The following CLEC2B variants were observed in gnomAD, a reference collection of about 807,000 sequenced individuals.
CLEC2B encodes C-type (calcium dependent, carbohydrate-recognition domain) lectin, superfamily member 2 (activation-induced).
CLEC2B carries 14 observed loss-of-function variants against 16.2 expected under a neutral mutation model. That is an observed-to-expected ratio of 0.86 (90% CI 0.57 to 1.35). The LOEUF (loss-of-function observed/expected upper bound fraction) is 1.35, where lower values mean the gene tolerates loss of function less well. Ranked by LOEUF, CLEC2B falls within the 40% of genes most tolerant of loss-of-function variation. The probability of loss-of-function intolerance (pLI) is 0.00; values close to 1 mark genes in which losing one functional copy is unlikely to be tolerated. For synonymous variants in CLEC2B, 42 were observed against 55.8 expected (o/e 0.75, Z 1.10); for missense variants, 166 against 182.3 (o/e 0.91, Z 0.52).
intron 4 of CLEC2B, among the ~76,000 whole-genome samples, chr12:9,853,960 C>T (rs1224128011): frequency 1.3e-5 from 2 of 151,958 alleles, no homozygotes; most frequent in African/African-American, 4.8e-5. Context: ...GATATGAAGT[C>T]CAGGACAAAC....
At chr12:9,857,782 T>A (rs957924892) in intron 2 of CLEC2B, 145 bp from the exon 3 acceptor site, 23 of 653,498 alleles carry the variant, frequency 3.5e-5, no homozygotes, top group Non-Finnish European at 5.7e-5. Context: ...GTTGAAAAAA[T>A]TTTATGTCTT....
At chr12:9,866,988 G>A (rs987243613) in intron 1 of CLEC2B, 3 of 152,186 alleles carry the variant, frequency 2.0e-5, no homozygotes, top group African/African-American at 7.2e-5. Flanking sequence ...TGTATACAGA[G>A]TTGGTAGATT....
In CLEC2B at chr12:9,853,260, A is replaced by G. The variant is rs1203354676; in HGVS notation, c.*40T>C. 2 of 1,444,472 alleles carry G rather than the reference A, an allele frequency of 1.4e-6. No individual in the cohort carries two copies. The highest frequency in any genetic ancestry group is 2.8e-5 in the African/African-American group (2 of 71,540). The allele number at this position is 1,444,472 out of a possible 1,614,324, so 89.5% of individuals were successfully genotyped here. On this transcript the variant is annotated 3_prime_UTR_variant, in exon 5 of 5. Coordinates refer to ENST00000228438, the MANE Select transcript of CLEC2B (RefSeq NM_005127.3). ...GTACTTTGCTGGTTTTACACTTAAT[A>G]ATGTTATTTTCTATTTTCCCCATTA...
intron 2 of CLEC2B, among the ~76,000 whole-genome samples, chr12:9,857,920 A>G (rs1047645448): frequency 6.6e-6 from 1 of 152,152 alleles, no homozygotes. Context: ...TACCGTTACC[A>G]TTTCTAGGTA....
intron 1 of CLEC2B, among the ~76,000 whole-genome samples, chr12:9,864,624 TA>T (rs1209496737): frequency 6.6e-6 from 1 of 152,200 alleles, no homozygotes; most frequent in Non-Finnish European, 1.5e-5. Context: ...GTTATCTCTT[TA>T]AAATAACTTG....
intron 4 of CLEC2B, 145 bp from the exon 5 acceptor site, chr12:9,853,553 C>A (rs1867868714): frequency 1.6e-6 from 1 of 636,078 alleles, no homozygotes; most frequent in Non-Finnish European, 2.8e-6. Context: ...ATACCTATAC[C>A]AATTTGGATC....
rs550607566 is a variant in CLEC2B, at chr12:9,854,230, C to A, written c.341+151G>T. ...AATTTCCAACCTTCATGGTTGCCTC[C>A]TTACATGAATCTCAATATATATTCA... On this transcript the variant is annotated intron_variant, in intron 4 of 4. Transcript: ENST00000228438. 1.3e-4 allele frequency: 67 copies of A among 526,126 alleles called. No individual in the cohort carries two copies. In the South Asian group the frequency reaches 1.9e-3, roughly 15 times the overall value. The allele number at this position is 526,126 out of a possible 1,614,324, so 32.6% of individuals were successfully genotyped here.
intron 2 of CLEC2B, among the ~76,000 whole-genome samples, chr12:9,861,589 A>G (rs1202190469): frequency 1.3e-5 from 2 of 152,060 alleles, no homozygotes; most frequent in Non-Finnish European, 2.9e-5. Context: ...AAAAATATAA[A>G]ATTATACAGT....
At chr12:9,859,800 A>G (rs551735311) in intron 2 of CLEC2B, among the ~76,000 whole-genome samples, 86 of 151,952 alleles carry the variant, frequency 5.7e-4, no homozygotes, top group African/African-American at 1.9e-3. Context: ...ATGTGCATAT[A>G]TCTTAAAATA....
Position 9,857,476 on chromosome 12 carries a change from T to C in CLEC2B, c.235A>G (p.Met79Val). ...AGAATGTATATTAAATTACTTACCA[T>C]TTCTTCTATGTTGTCAATTATAGTT... ...DLTIIDNIEE[M>V]NFLRRYKCSS... Residue 79 changes from methionine to valine, a missense_variant and splice_region_variant, in exon 3 of 5, where the codon ATG becomes GTG. Transcript: ENST00000228438. The C allele has an allele frequency of 6.2e-7, 1 of 1,601,830 alleles. No homozygotes were observed. The highest frequency in any genetic ancestry group is 1.3e-5 in the African/African-American group (1 of 74,596).
At chr12:9,863,109 T>C (rs575649297) in intron 1 of CLEC2B, among the ~76,000 whole-genome samples, 5 of 152,304 alleles carry the variant, frequency 3.3e-5, no homozygotes, top group African/African-American at 1.2e-4. Flanking sequence ...AGGAGGTTTG[T>C]TGCACAGGTC....
At position 9,853,083 on chromosome 12, in the gene CLEC2B, A is replaced by AAGAAAGAAAGAGAGAGAGAAAGAAAG; in HGVS notation, c.*216_*217insCTTTCTTTCTCTCTCTCTTTCTTTCT. ...AAAGAAAGAAAGAAAGAAAGAAAGA[A>AAGAAAGAAAGAGAGAGAGAAAGAAAG]AGAGAGAGAGAGAAAGAAAGAAAGA... On this transcript the variant is annotated 3_prime_UTR_variant, in exon 5 of 5. Transcript: ENST00000228438. 1 of 308,292 alleles carries AAGAAAGAAAGAGAGAGAGAAAGAAAG rather than the reference A, an allele frequency of 3.2e-6. No homozygotes were observed. The highest frequency in any genetic ancestry group is 2.9e-5 in the African/African-American group (1 of 34,734). The allele number at this position is 308,292 out of a possible 1,614,324, so 19.1% of individuals were successfully genotyped here.
In CLEC2B at chr12:9,853,319, C is replaced by A. The variant is rs757353379; in HGVS notation, c.431G>T (p.Cys144Phe). ...ARCYTERKWI[C>F]RKRIH ...ATTAACTTAGTGTATTCTTTTCCTG[C>A]AAATCCATTTTCTTTCGGTGTAACA... The change falls in exon 5 of 5, where the codon TGC (cysteine) becomes TTC (phenylalanine). Residue 144 changes from cysteine to phenylalanine, a missense_variant. Transcript: ENST00000228438. The A allele has an allele frequency of 6.2e-7, 1 of 1,612,598 alleles. No homozygotes were observed. The highest frequency in any genetic ancestry group is 8.5e-7 in the Non-Finnish European group (1 of 1,178,688).
chr12:9,857,246 AAAAT>A (rs1294379472), intron 3 of CLEC2B: 3 of 458,794 alleles, frequency 6.5e-6, no homozygotes. Context: ...TACACTCTTT[AAAAT>A]ATAAAGATAG....
At chr12:9,856,501 T>G (rs1206405288) in intron 3 of CLEC2B, among the ~76,000 whole-genome samples, 1 of 152,070 alleles carries the variant, frequency 6.6e-6, no homozygotes, top group Non-Finnish European at 1.5e-5. Flanking sequence ...AATAGTTTTG[T>G]TTCCTTTCAC....
rs554204323 is a variant in CLEC2B, at chr12:9,853,123, A to G, written c.*177T>C. ...AGAAAGAAAGAAAAAAACTCAGCAGAATACCTGTAACCATTTTTTGCCAAT... is the reference window on the plus strand; with the variant it reads ...AGAAAGAAAGAAAAAAACTCAGCAGGATACCTGTAACCATTTTTTGCCAAT... On this transcript the variant is annotated 3_prime_UTR_variant, in exon 5 of 5. Coordinates refer to ENST00000228438, the MANE Select transcript of CLEC2B (RefSeq NM_005127.3). 4.2e-6 allele frequency: 2 copies of G among 479,082 alleles called. No individual in the cohort carries two copies. Among genetic ancestry groups the G allele is most frequent in the Admixed American group, 3.5e-5 (1 of 28,416 alleles). The allele number at this position is 479,082 out of a possible 1,614,324, so 29.7% of individuals were successfully genotyped here.
intron 1 of CLEC2B, among the ~76,000 whole-genome samples, chr12:9,867,612 A>T (rs1479175962): frequency 6.6e-6 from 1 of 152,160 alleles, no homozygotes; most frequent in Non-Finnish European, 1.5e-5. Flanking sequence ...CAAACAAATT[A>T]AAAAATTGTG....
chr12:9,862,405 T>C, intron 2 of CLEC2B, 94 bp downstream of exon 2: 3 of 1,104,994 alleles, frequency 2.7e-6, no homozygotes, highest in Non-Finnish European at 3.6e-6. Flanking sequence ...AATGGGAAGA[T>C]AATGAGATAC....
chr12:9,853,676 T>G (rs1325918880), intron 4 of CLEC2B, among the ~76,000 whole-genome samples: 1 of 152,162 alleles, frequency 6.6e-6, no homozygotes, highest in Non-Finnish European at 1.5e-5. Context: ...TTAGGGGTGA[T>G]TTTGCTTCCA....
Sources: gnomAD v4.1 joint callset for allele counts (sites outside exome capture counted in the v4.1 genomes callset) on GRCh38, gnomAD v4.1.1 for gene constraint, MANE v1.5 for transcripts, NCBI Gene and HGNC (gene_info 2026-07-23, HGNC 2026-07-21) for gene names.